The following TENM2 variants were observed in gnomAD, a reference collection of about 807,000 sequenced individuals.
TENM2 encodes teneurin transmembrane protein 2.
TENM2 carries 52 observed loss-of-function variants against 245.2 expected under a neutral mutation model. The observed-to-expected ratio is 0.21, with a 90% confidence interval of 0.17 to 0.27. The LOEUF is 0.27. Among genes scored for constraint, TENM2 ranks in the 10% least tolerant of loss-of-function variants. The pLI is 1.00. For synonymous variants in TENM2, 1,363 were observed against 1,438.9 expected, an observed-to-expected ratio of 0.95 and a Z score of 1.19; for missense variants, 3,046 against 3,666.8, an observed-to-expected ratio of 0.83 and a Z score of 4.37.
intron 2 of TENM2, among the ~76,000 whole-genome samples, chr5:167,516,761 C>G (rs1770407698): frequency 6.6e-6 from 1 of 152,170 alleles, no homozygotes; most frequent in African/African-American, 2.4e-5. Context: ...ATTCAAGAGG[C>G]CAGTCAGAGT....
At chr5:167,835,726 A>C (rs1024984446) in intron 2 of TENM2, among the ~76,000 whole-genome samples, 5 of 152,234 alleles carry the variant, frequency 3.3e-5, no homozygotes, top group Non-Finnish European at 5.9e-5. Context: ...TAACTAAAAA[A>C]AAAAATCAAA....
At chr5:168,188,076 T>G (rs981777114) in intron 13 of TENM2, among the ~76,000 whole-genome samples, 2 of 152,208 alleles carry the variant, frequency 1.3e-5, no homozygotes, top group Non-Finnish European at 2.9e-5. Flanking sequence ...TCCTAATTTG[T>G]TTGTTTGCTA....
the TENM2 span, among the ~76,000 whole-genome samples, chr5:167,102,834 T>G: frequency 2.0e-5 from 3 of 152,200 alleles, no homozygotes; most frequent in South Asian, 6.2e-4. Context: ...AAATTTTGTA[T>G]TTTTAGTAGA....
At chr5:167,239,769 T>C in the TENM2 span, among the ~76,000 whole-genome samples, 6 of 152,188 alleles carry the variant, frequency 3.9e-5, no homozygotes, top group Non-Finnish European at 8.8e-5. Flanking sequence ...CTTTTTATAT[T>C]GTTGTTTATT....
chr5:167,451,833 T>G (rs531556764), intron 2 of TENM2, among the ~76,000 whole-genome samples: 1 of 152,214 alleles, frequency 6.6e-6, no homozygotes, highest in African/African-American at 2.4e-5. Context: ...GTATTTTTAG[T>G]AGAGACAGGG....
chr5:167,774,672 G>T (rs192368775), intron 2 of TENM2, among the ~76,000 whole-genome samples: 3 of 152,256 alleles, frequency 2.0e-5, no homozygotes, highest in Non-Finnish European at 4.4e-5. Flanking sequence ...TTAATGAGAA[G>T]AAACTATAGG....
At chr5:167,988,479 C>G (rs1375690997) in intron 4 of TENM2, among the ~76,000 whole-genome samples, 1 of 151,992 alleles carries the variant, frequency 6.6e-6, no homozygotes, top group Non-Finnish European at 1.5e-5. Context: ...CAGAGAGTAA[C>G]AGAAATTGAA....
At chr5:168,151,452 A>G (rs1756649434) in intron 12 of TENM2, among the ~76,000 whole-genome samples, 1 of 152,226 alleles carries the variant, frequency 6.6e-6, no homozygotes, top group Non-Finnish European at 1.5e-5. Context: ...CTTTTAATAA[A>G]AACAACAACA....
chr5:168,029,223 T>C (rs544812198), intron 5 of TENM2, among the ~76,000 whole-genome samples: 1 of 152,310 alleles, frequency 6.6e-6, no homozygotes, highest in South Asian at 2.1e-4. Flanking sequence ...AGGGCTTTAC[T>C]GCCTAATACC....
At chr5:168,046,728 G>A (rs763299506) in intron 5 of TENM2, among the ~76,000 whole-genome samples, 6 of 152,166 alleles carry the variant, frequency 3.9e-5, no homozygotes, top group African/African-American at 7.2e-5. Context: ...GAGAGCGACA[G>A]AGACAGAAAG....
At chr5:167,500,840 A>C (rs1769166960) in intron 2 of TENM2, among the ~76,000 whole-genome samples, 1 of 152,144 alleles carries the variant, frequency 6.6e-6, no homozygotes, top group African/African-American at 2.4e-5. Flanking sequence ...TCAAAGGGAA[A>C]TTAGCAAGCT....
chr5:168,160,117 C>T (rs1317684919), intron 12 of TENM2, among the ~76,000 whole-genome samples: 2 of 152,146 alleles, frequency 1.3e-5, no homozygotes, highest in South Asian at 2.1e-4. Context: ...GTGTATTTTC[C>T]GTGATCCATT....
At chr5:167,343,080 T>C (rs1052547982) in intron 1 of TENM2, among the ~76,000 whole-genome samples, 13 of 152,198 alleles carry the variant, frequency 8.5e-5, no homozygotes, top group Non-Finnish European at 2.9e-5. Context: ...AAGTTAATAC[T>C]ATTTTATTTA....
the TENM2 span, among the ~76,000 whole-genome samples, chr5:167,034,940 A>G: frequency 6.6e-6 from 1 of 152,142 alleles, no homozygotes; most frequent in Non-Finnish European, 1.5e-5. Flanking sequence ...GCCAAGCTGT[A>G]TTTCCTTATG....
At chr5:167,089,406 G>A in the TENM2 span, among the ~76,000 whole-genome samples, 1 of 152,058 alleles carries the variant, frequency 6.6e-6, no homozygotes, top group Non-Finnish European at 1.5e-5. Context: ...TCAATTTTTG[G>A]TTTATCCTTA....
intron 26 of TENM2, among the ~76,000 whole-genome samples, chr5:168,245,363 A>G (rs1041862832): frequency 6.6e-6 from 1 of 152,076 alleles, no homozygotes; most frequent in African/African-American, 2.4e-5. Flanking sequence ...TTACTTATGA[A>G]TTGGAAATGC....
chr5:167,652,950 G>C (rs1754576647), intron 2 of TENM2, among the ~76,000 whole-genome samples: 1 of 152,136 alleles, frequency 6.6e-6, no homozygotes. Context: ...TCTTTGGCTT[G>C]ACTTTCAGAG....
intron 2 of TENM2, among the ~76,000 whole-genome samples, chr5:167,830,629 C>A (rs1318843960): frequency 1.3e-5 from 2 of 152,114 alleles, no homozygotes; most frequent in Non-Finnish European, 2.9e-5. Context: ...GCAGAGGAGG[C>A]AAACGAAAGA....
chr5:167,856,326 C>T (rs573564558), intron 2 of TENM2, among the ~76,000 whole-genome samples: 2 of 152,162 alleles, frequency 1.3e-5, no homozygotes, highest in African/African-American at 2.4e-5. Flanking sequence ...GCTTTGAGAT[C>T]CACAGATGAA....
Sources: allele counts gnomAD v4.1 joint callset (sites outside exome capture counted in the v4.1 genomes callset), GRCh38; gene constraint gnomAD v4.1.1; transcripts MANE v1.5; gene names NCBI Gene and HGNC (gene_info 2026-07-23, HGNC 2026-07-21).